FOXN3: variants seen among roughly 807,000 people sequenced by gnomAD.
The protein encoded by FOXN3 is forkhead box N3.
Under a neutral mutation model 38.4 loss-of-function variants are expected in FOXN3, and 7 were observed. The ratio of observed to expected loss-of-function variants is 0.18; its 90% CI spans 0.10 to 0.34. The LOEUF (loss-of-function observed/expected upper bound fraction) is 0.34. Among genes scored for constraint, FOXN3 ranks in the 10% least tolerant of loss-of-function variants. FOXN3 has a pLI of 1.00. For missense variants in FOXN3, 456 were observed against 613.4 expected (o/e 0.74, Z 2.71); for synonymous variants, 230 against 242.2 (o/e 0.95, Z 0.47).
intron 1 of FOXN3, among the ~76,000 whole-genome samples, chr14:89,546,329 C>CTTTTCTTTTTT (rs1894879849): frequency 1.3e-5 from 1 of 78,314 alleles, no homozygotes; most frequent in African/African-American, 5.4e-5. Flanking sequence ...TTTCCTTTTT[C>CTTTTCTTTTTT]TTTTTTTTTT....
chr14:89,228,889 G>A (rs1405983307), intron 4 of FOXN3, among the ~76,000 whole-genome samples: 1 of 152,208 alleles, frequency 6.6e-6, no homozygotes, highest in Non-Finnish European at 1.5e-5. Context: ...GTACTTGGGA[G>A]GAAGTTACCT....
At chr14:89,262,737 T>TA (rs1885845694) in intron 4 of FOXN3, among the ~76,000 whole-genome samples, 1 of 138,634 alleles carries the variant, frequency 7.2e-6, no homozygotes, top group Non-Finnish European at 1.6e-5. Flanking sequence ...AAAATGATGC[T>TA]AATTTTTTTT....
At chr14:89,374,694 G>A (rs188917030) in intron 2 of FOXN3, among the ~76,000 whole-genome samples, 134 of 152,040 alleles carry the variant, frequency 8.8e-4, no homozygotes, top group African/African-American at 2.6e-3. Context: ...TATTCTTGCC[G>A]GGCGTGGTGG....
At chr14:89,221,063 G>A (rs1434670147) in intron 4 of FOXN3, among the ~76,000 whole-genome samples, 1 of 152,048 alleles carries the variant, frequency 6.6e-6, no homozygotes, top group Admixed American at 6.6e-5. Flanking sequence ...AAGCAGCAGA[G>A]GCAATAGGTA....
At chr14:89,463,811 T>A (rs1892912301) in intron 1 of FOXN3, among the ~76,000 whole-genome samples, 1 of 143,708 alleles carries the variant, frequency 7.0e-6, no homozygotes, top group South Asian at 2.2e-4. Flanking sequence ...TGAGATGGAG[T>A]TGTGCTCTTG....
At chr14:89,297,497 T>C (rs986348712) in intron 3 of FOXN3, among the ~76,000 whole-genome samples, 3 of 150,902 alleles carry the variant, frequency 2.0e-5, no homozygotes, top group African/African-American at 7.3e-5. Context: ...GAGGCGGAGC[T>C]TGCAGTGAGC....
intron 1 of FOXN3, among the ~76,000 whole-genome samples, chr14:89,544,262 C>T (rs1894844284): frequency 1.3e-5 from 2 of 151,246 alleles, no homozygotes; most frequent in South Asian, 2.1e-4. Flanking sequence ...AGGATGGTCT[C>T]GATCTCCTGA....
intron 4 of FOXN3, among the ~76,000 whole-genome samples, chr14:89,213,617 GA>G (rs1488014980): frequency 6.6e-6 from 1 of 152,194 alleles, no homozygotes; most frequent in Non-Finnish European, 1.5e-5. Flanking sequence ...GGAGACAGCT[GA>G]AATATACAGA....
At chr14:89,591,662 C>G (rs1895954408) in intron 1 of FOXN3, among the ~76,000 whole-genome samples, 1 of 152,196 alleles carries the variant, frequency 6.6e-6, no homozygotes, top group Non-Finnish European at 1.5e-5. Context: ...TGGTAGCTCC[C>G]ACCTGTAATC....
chr14:89,603,725 C>CA (rs1351863443), intron 1 of FOXN3, among the ~76,000 whole-genome samples: 4 of 151,978 alleles, frequency 2.6e-5, no homozygotes, highest in South Asian at 2.1e-4. Flanking sequence ...TGAGCTCACA[C>CA]AAAAAAATAA....
chr14:89,428,619 CAT>C (rs1892092980), intron 1 of FOXN3, among the ~76,000 whole-genome samples: 1 of 152,234 alleles, frequency 6.6e-6, no homozygotes, highest in Non-Finnish European at 1.5e-5. Flanking sequence ...GAATCCTGAA[CAT>C]GTTTCCTCTA....
intron 4 of FOXN3, among the ~76,000 whole-genome samples, chr14:89,208,007 T>A (rs902975219): frequency 1.3e-5 from 2 of 151,134 alleles, no homozygotes; most frequent in African/African-American, 4.9e-5. Context: ...GTTGGGGGAG[T>A]CTATGCGGGA....
chr14:89,281,940 G>C (rs113969080), intron 3 of FOXN3, among the ~76,000 whole-genome samples: 1 of 152,102 alleles, frequency 6.6e-6, no homozygotes, highest in Non-Finnish European at 1.5e-5. Flanking sequence ...AAATAGGTTC[G>C]AGTAATGCAT....
chr14:89,595,379 T>C (rs1198163508), intron 1 of FOXN3, among the ~76,000 whole-genome samples: 2 of 152,108 alleles, frequency 1.3e-5, no homozygotes, highest in Admixed American at 1.3e-4. Context: ...ATCCCTCCAT[T>C]TATTTAGGTC....
At chr14:89,600,324 T>A (rs924574438) in intron 1 of FOXN3, among the ~76,000 whole-genome samples, 1 of 152,180 alleles carries the variant, frequency 6.6e-6, no homozygotes, top group Non-Finnish European at 1.5e-5. Flanking sequence ...TAATAATGCA[T>A]GGAGTGAATG....
At chr14:89,280,765 A>G (rs1276681225) in intron 4 of FOXN3, among the ~76,000 whole-genome samples, 185 bp downstream of exon 4, 1 of 152,072 alleles carries the variant, frequency 6.6e-6, no homozygotes. Context: ...GCGACCGAGA[A>G]GCTTGAGTAG....
chr14:89,468,241 G>A (rs1013320074), intron 1 of FOXN3, among the ~76,000 whole-genome samples: 1 of 151,864 alleles, frequency 6.6e-6, no homozygotes, highest in Non-Finnish European at 1.5e-5. Context: ...ATCACCTGAC[G>A]TCAAGAGTTC....
chr14:89,604,244 C>T (rs929368003), intron 1 of FOXN3, among the ~76,000 whole-genome samples: 7 of 133,678 alleles, frequency 5.2e-5, no homozygotes, highest in South Asian at 4.8e-4. Context: ...CACACACGTG[C>T]GCGCACACAC....
chr14:89,291,743 A>T (rs1886879248), intron 3 of FOXN3: 13 of 370,276 alleles, frequency 3.5e-5, no homozygotes, highest in South Asian at 3.0e-4. Flanking sequence ...TTGGGACTTC[A>T]TTCCTTGAAC....
Sources: allele counts gnomAD v4.1 joint callset (sites outside exome capture counted in the v4.1 genomes callset), GRCh38; gene constraint gnomAD v4.1.1; transcripts MANE v1.5; gene names NCBI Gene and HGNC (gene_info 2026-07-23, HGNC 2026-07-21).